Variants in PCCB observed in about 807,000 individuals in gnomAD.
The protein encoded by PCCB is propionyl-CoA carboxylase beta chain, mitochondrial.
PCCB carries 43 observed loss-of-function variants against 60.7 expected under a neutral mutation model. The observed-to-expected ratio is 0.71, with a 90% CI of 0.55 to 0.91. PCCB has a LOEUF of 0.91. Among genes scored for constraint, PCCB ranks in the 40% least tolerant of loss-of-function variants. The pLI is 0.00. For missense variants in PCCB, 766 were observed against 702.8 expected, an observed-to-expected ratio of 1.09 and a Z score of -1.02; for synonymous variants, 276 against 255.9, an observed-to-expected ratio of 1.08 and a Z score of -0.75.
chr3:136,254,080 T>G lies in PCCB; in HGVS notation c.184-1776T>G, dbSNP rs538312009. On this transcript the variant is annotated intron_variant, in intron 1 of 14. Transcript: ENST00000251654. ...ATTTTAAACACAACCTCACCAGCTTTGGCTACTTTCCTAAGGGGGAAATAA... is the reference window on the plus strand; with the variant it reads ...ATTTTAAACACAACCTCACCAGCTTGGGCTACTTTCCTAAGGGGGAAATAA... 1.2e-3 allele frequency among the ~76,000 whole-genome samples: 177 copies of G among 152,250 alleles called. 2 individuals carry two copies. Among genetic ancestry groups the G allele is most frequent in the African/African-American group, 4.1e-3 (169 of 41,576 alleles).
chr3:136,280,919 G>T (rs1942459243), intron 5 of PCCB, among the ~76,000 whole-genome samples: 1 of 152,190 alleles, frequency 6.6e-6, no homozygotes, highest in Admixed American at 6.5e-5. Flanking sequence ...CTCCCAAAGT[G>T]CTGGGATTAC....
intron 6 of PCCB, among the ~76,000 whole-genome samples, chr3:136,290,287 G>C (rs540589324): frequency 6.6e-6 from 1 of 152,210 alleles, no homozygotes; most frequent in South Asian, 2.1e-4. Flanking sequence ...GAATAATTTT[G>C]CAGAGCACAG....
intron 10 of PCCB, among the ~76,000 whole-genome samples, chr3:136,317,303 C>A (rs1181259277): frequency 7.2e-6 from 1 of 139,672 alleles, no homozygotes; most frequent in Non-Finnish European, 1.5e-5. Context: ...CACACTGGAC[C>A]CTCTGCCTCC....
intron 5 of PCCB, among the ~76,000 whole-genome samples, chr3:136,266,467 G>T (rs1941986144): frequency 6.6e-6 from 1 of 152,142 alleles, no homozygotes; most frequent in African/African-American, 2.4e-5. Flanking sequence ...TGTTGTTCAG[G>T]CTGGAGTACA....
chr3:136,269,301 A>G (rs1290359472), intron 5 of PCCB, among the ~76,000 whole-genome samples: 1 of 152,170 alleles, frequency 6.6e-6, no homozygotes, highest in Non-Finnish European at 1.5e-5. Flanking sequence ...GCTATTTAGA[A>G]TGGAATTATC....
intron 11 of PCCB, 77 bp downstream of exon 11, chr3:136,326,987 G>A: frequency 8.6e-7 from 1 of 1,159,230 alleles, no homozygotes; most frequent in Non-Finnish European, 1.3e-6. Context: ...AGATCTTCTT[G>A]CAGAACTCCC....
At chr3:136,293,682 G>C (rs1933803384) in intron 6 of PCCB, 74 bp from the exon 7 acceptor site, 4 of 913,510 alleles carry the variant, frequency 4.4e-6, no homozygotes, top group Admixed American at 1.7e-5. Flanking sequence ...TTGTCATCTT[G>C]GCTGAATCAA....
In PCCB at chr3:136,320,155, C is replaced by G. The variant is rs1414444416; in HGVS notation, c.1090+3091C>G. On this transcript the variant is annotated intron_variant, in intron 10 of 14. Transcript: ENST00000251654. ...TGTGTCTTCCAACTTTATTGTTGTT[C>G]TTAGGATTGTTTTAGGCATTTGGGG... 4.6e-5 allele frequency among the ~76,000 whole-genome samples: 7 copies of G among 152,042 alleles called. No individual in the cohort carries two copies. The East Asian group carries it at 1.2e-3, about 25-fold the overall frequency.
At chr3:136,279,681 T>A (rs1314018895) in intron 5 of PCCB, among the ~76,000 whole-genome samples, 2 of 152,190 alleles carry the variant, frequency 1.3e-5, no homozygotes, top group Admixed American at 1.3e-4. Flanking sequence ...ATTTATTTAT[T>A]TTTTGAGACG....
chr3:136,293,013 TTTTTTG>T (rs1222346668), intron 6 of PCCB, among the ~76,000 whole-genome samples: 21 of 152,284 alleles, frequency 1.4e-4, no homozygotes, highest in Middle Eastern at 6.8e-3. Flanking sequence ...ATTTATTAGT[TTTTTTG>T]TTTTTGTTTT....
chr3:136,295,265 A>C (rs1933880165), intron 7 of PCCB, among the ~76,000 whole-genome samples: 1 of 152,190 alleles, frequency 6.6e-6, no homozygotes, highest in Non-Finnish European at 1.5e-5. Context: ...TCAGCATTTA[A>C]TTGTCAGCAT....
chr3:136,297,634 G>A (rs1427183835), intron 7 of PCCB, among the ~76,000 whole-genome samples: 2 of 152,156 alleles, frequency 1.3e-5, no homozygotes, highest in African/African-American at 2.4e-5. Flanking sequence ...GAGAACTCCC[G>A]CATGGTATAG....
chr3:136,255,661 T>C (rs186249826), intron 1 of PCCB, 195 bp from the exon 2 acceptor site: 2 of 621,424 alleles, frequency 3.2e-6, no homozygotes, highest in Admixed American at 2.4e-5. Context: ...TGGCGCACAC[T>C]GTCTGTCCTG....
intron 10 of PCCB, among the ~76,000 whole-genome samples, chr3:136,323,793 A>C (rs1309085726): frequency 6.6e-6 from 1 of 150,914 alleles, no homozygotes; most frequent in Non-Finnish European, 1.5e-5. Context: ...TCTCAGAAAC[A>C]AAACAAAACA....
chr3:136,324,680 T>G (rs910056489), intron 10 of PCCB, among the ~76,000 whole-genome samples: 1 of 152,118 alleles, frequency 6.6e-6, no homozygotes, highest in Non-Finnish European at 1.5e-5. Context: ...TACCTTACCA[T>G]GATTTAAAGA....
intron 14 of PCCB, 29 bp from the exon 15 acceptor site, chr3:136,329,876 G>A: frequency 6.2e-7 from 1 of 1,613,726 alleles, no homozygotes; most frequent in Non-Finnish European, 8.5e-7. Flanking sequence ...GGATGCAGAT[G>A]ATCCACTCCC....
At position 136,261,587 on chromosome 3, in the gene PCCB, A is replaced by G. The variant is rs1431086555; in HGVS notation, c.430-365A>G. On this transcript the variant is annotated intron_variant, in intron 4 of 14. Coordinates refer to ENST00000251654, the MANE Select transcript of PCCB (RefSeq NM_000532.5). ...CAACATCTGCTTTCATGAAAGTACTACTTTGCCATTCTGTCTACTGTAAGT... is the reference window on the plus strand; with the variant it reads ...CAACATCTGCTTTCATGAAAGTACTGCTTTGCCATTCTGTCTACTGTAAGT... Among the ~76,000 whole-genome samples, 6 of 151,562 alleles carry G rather than the reference A, an allele frequency of 4.0e-5. No homozygotes were observed. In the East Asian group the frequency reaches 7.7e-4, roughly 20 times the overall value.
At chr3:136,264,743 C>T (rs370741735) in intron 5 of PCCB, among the ~76,000 whole-genome samples, 5 of 151,314 alleles carry the variant, frequency 3.3e-5, no homozygotes, top group Admixed American at 6.6e-5. Flanking sequence ...GGTGTGGTGG[C>T]GGGCGCCTGT....
intron 6 of PCCB, among the ~76,000 whole-genome samples, chr3:136,287,632 G>T (rs934584098): frequency 7.2e-5 from 11 of 152,156 alleles, no homozygotes; most frequent in Middle Eastern, 3.4e-3. Flanking sequence ...GATGGATTTT[G>T]CTGTGTTGGC....
Sources: allele counts gnomAD v4.1 joint callset (sites outside exome capture counted in the v4.1 genomes callset), GRCh38; gene constraint gnomAD v4.1.1; transcripts MANE v1.5; gene names NCBI Gene and HGNC (gene_info 2026-07-23, HGNC 2026-07-21).